Variants in TACC2 observed in about 807,000 individuals in gnomAD.
TACC2 encodes the protein transforming acidic coiled-coil-containing protein 2.
Under a neutral mutation model 227.3 loss-of-function variants are expected in TACC2, and 137 were observed. The ratio of observed to expected loss-of-function variants is 0.60; its 90% CI spans 0.52 to 0.69. TACC2 has a LOEUF of 0.69. Ranked by LOEUF, TACC2 falls within the 30% of genes least tolerant of loss-of-function variation. The probability of loss-of-function intolerance (pLI) is 0.00; values close to 1 mark genes in which losing one functional copy is unlikely to be tolerated. For missense variants in TACC2, 3,470 were observed against 3,694.4 expected (o/e 0.94, Z 1.57); for synonymous variants, 1,523 against 1,487.5 (o/e 1.02, Z -0.55).
chr10:122,074,483 A>G (rs1434905020), intron 3 of TACC2, among the ~76,000 whole-genome samples: 1 of 152,162 alleles, frequency 6.6e-6, no homozygotes, highest in African/African-American at 2.4e-5. Flanking sequence ...GGCATTTCCT[A>G]TGTAACTTTT....
chr10:122,103,982 G>C (rs746533298), intron 5 of TACC2, among the ~76,000 whole-genome samples: 4 of 152,156 alleles, frequency 2.6e-5, no homozygotes, highest in Non-Finnish European at 5.9e-5. Flanking sequence ...AAGTGACTTT[G>C]CCTCTATTTG....
In TACC2 at chr10:122,170,263, C is replaced by CTTTTTTT. The variant is rs34194262; in HGVS notation, c.5835-24759_5835-24753dup. ...CAAACCAGAAACCTGATGATCAAGT[C>CTTTTTTT]TTTTTTTTTTTTTTTTTTTTTTTTG... is the stretch of plus-strand genomic sequence containing the variant. On this transcript the variant is annotated intron_variant, in intron 7 of 22. Coordinates refer to ENST00000369005, the MANE Select transcript of TACC2 (RefSeq NM_206862.4). 4.7e-4 allele frequency among the ~76,000 whole-genome samples: 30 copies of CTTTTTTT among 63,214 alleles called. 1 individual carries two copies. Among genetic ancestry groups the CTTTTTTT allele is most frequent in the East Asian group, 6.4e-4 (1 of 1,574 alleles). The allele number at this position is 63,214 out of a possible 152,430, so 41.5% of individuals were successfully genotyped here. A position where few individuals can be genotyped will look rare whatever the true frequency, so the allele number is the denominator to read the frequency against.
chr10:122,233,934 C>T (rs544123545), intron 16 of TACC2, among the ~76,000 whole-genome samples: 5 of 152,282 alleles, frequency 3.3e-5, no homozygotes, highest in Admixed American at 1.3e-4. Flanking sequence ...CAGCACCCAG[C>T]GGAGGCCACT....
At chr10:122,090,960 T>C (rs1242604739) in intron 5 of TACC2, among the ~76,000 whole-genome samples, 1 of 152,148 alleles carries the variant, frequency 6.6e-6, no homozygotes, top group Non-Finnish European at 1.5e-5. Flanking sequence ...AGCCTAGTCT[T>C]GAACTCTGGG....
In TACC2 at chr10:122,224,756, A is replaced by C; in HGVS notation, c.7577A>C (p.Glu2526Ala). ...GATTACAGAAACTCCTATGAAATTG[A>C]ATATATGGAGAAAATTGGCTCCTCC... is the stretch of plus-strand genomic sequence containing the variant. ...ELDYRNSYEI[E>A]YMEKIGSSLP... The change falls in exon 12 of 23, where the codon GAA becomes GCA. Residue 2526 changes from glutamate (E) to alanine (A), a missense_variant. This residue lies in a region of TACC2 where 345 missense variants were observed against 354.4 expected (regional missense o/e 0.97). Transcript: ENST00000369005. 2 of 1,614,006 alleles carry C rather than the reference A, an allele frequency of 1.2e-6. No homozygotes were observed. Among genetic ancestry groups the C allele is most frequent in the Non-Finnish European group, 1.7e-6 (2 of 1,179,988 alleles).
chr10:122,088,105 C>A (rs2080288872), intron 4 of TACC2, 146 bp downstream of exon 4: 2 of 887,926 alleles, frequency 2.3e-6, no homozygotes, highest in Admixed American at 3.7e-5. Flanking sequence ...ACCTGCTTAC[C>A]CCCTCTGGAT....
At chr10:122,103,892 T>G (rs571701237) in intron 5 of TACC2, among the ~76,000 whole-genome samples, 2 of 152,334 alleles carry the variant, frequency 1.3e-5, no homozygotes, top group Middle Eastern at 3.4e-3. Context: ...GAAGGCTTGG[T>G]TTCCTGACCT....
intron 1 of TACC2, among the ~76,000 whole-genome samples, chr10:122,009,614 G>C (rs1955675423): frequency 6.6e-6 from 1 of 152,044 alleles, no homozygotes; most frequent in African/African-American, 2.4e-5. Flanking sequence ...TATTAATTAA[G>C]GACATTTAAA....
intron 2 of TACC2, among the ~76,000 whole-genome samples, chr10:122,031,016 C>T (rs1958879659): frequency 6.6e-6 from 1 of 152,176 alleles, no homozygotes; most frequent in African/African-American, 2.4e-5. Flanking sequence ...CCTGACTCCA[C>T]CTACTTCCAC....
At chr10:122,047,673 T>C (rs2136141932) in intron 2 of TACC2, among the ~76,000 whole-genome samples, 1 of 152,362 alleles carries the variant, frequency 6.6e-6, no homozygotes, top group African/African-American at 2.4e-5. Context: ...GCCCAGTTAC[T>C]AAACCTCTCA....
At chr10:122,088,048 G>T in intron 4 of TACC2, 89 bp downstream of exon 4, 1 of 1,372,786 alleles carries the variant, frequency 7.3e-7, no homozygotes, top group East Asian at 2.5e-5. Context: ...TCGCATAGGT[G>T]AGTGGTTTTC....
chr10:122,107,043 CTA>C (rs1307044203), intron 5 of TACC2, among the ~76,000 whole-genome samples: 4 of 152,230 alleles, frequency 2.6e-5, no homozygotes, highest in Admixed American at 6.5e-5. Context: ...AGTGAGAAAA[CTA>C]TCTCCAGAAG....
At chr10:122,088,881 G>GATTAC in intron 5 of TACC2, 2 of 821,896 alleles carry the variant, frequency 2.4e-6, no homozygotes, top group South Asian at 1.8e-5. Flanking sequence ...AACACTTTGG[G>GATTAC]AGGTCGAGGC....
chr10:122,054,457 T>C (rs1218568982), intron 3 of TACC2, among the ~76,000 whole-genome samples: 1 of 152,222 alleles, frequency 6.6e-6, no homozygotes, highest in Non-Finnish European at 1.5e-5. Flanking sequence ...CCGCCCTTCT[T>C]GGATATCATC....
At chr10:122,106,368 C>G (rs754713843) in intron 5 of TACC2, among the ~76,000 whole-genome samples, 5 of 152,142 alleles carry the variant, frequency 3.3e-5, no homozygotes, top group Non-Finnish European at 7.3e-5. Context: ...CATATGGGCA[C>G]TCAGAGGGTG....
rs555042495 is a variant in TACC2, at chr10:122,141,299, C to A, written c.5700-2273C>A. ...GAGTGTTTCCTCGTGGGAGCCTGAC[C>A]TCCTCGGCCCCTGGGTATGAGCCAA... On this transcript the variant is annotated intron_variant, in intron 6 of 22. Coordinates refer to ENST00000369005, the MANE Select transcript of TACC2 (RefSeq NM_206862.4). This position sits in a 1 kb window ranked among gnomAD's most constrained non-coding sequence, Gnocchi z 4.3. Among the ~76,000 whole-genome samples the A allele has an allele frequency of 1.3e-5, 2 of 152,138 alleles. No individual in the cohort carries two copies. The highest frequency in any genetic ancestry group is 2.9e-5 in the Non-Finnish European group (2 of 68,030).
chr10:122,064,722 C>T (rs908285847), intron 3 of TACC2, among the ~76,000 whole-genome samples: 1 of 152,138 alleles, frequency 6.6e-6, no homozygotes, highest in African/African-American at 2.4e-5. Flanking sequence ...CCTTAAAAAC[C>T]CCTTAGGCTC....
At chr10:122,164,003 C>A in intron 7 of TACC2, 1 of 1,571,416 alleles carries the variant, frequency 6.4e-7, no homozygotes, top group Non-Finnish European at 8.6e-7. Context: ...GTAAGTGCTC[C>A]GCCCGGGCCG....
chr10:122,002,094 C>A (rs182380794), intron 1 of TACC2, among the ~76,000 whole-genome samples: 1 of 152,178 alleles, frequency 6.6e-6, no homozygotes, highest in Non-Finnish European at 1.5e-5. Context: ...CTGGCTAAGG[C>A]CCTAGTGAGG....
Sources: allele counts gnomAD v4.1 joint callset (sites outside exome capture counted in the v4.1 genomes callset), GRCh38; gene constraint gnomAD v4.1.1; regional missense constraint gnomAD v4.1.1; non-coding constraint Gnocchi (gnomAD v3.1); transcripts MANE v1.5; gene names NCBI Gene and HGNC (gene_info 2026-07-23, HGNC 2026-07-21).